The following RIBC2 variants were observed in gnomAD, a reference collection of about 807,000 sequenced individuals.
The protein encoded by RIBC2 is RIB43A-like with coiled-coils protein 2.
In RIBC2, 40 loss-of-function variants were observed where a neutral mutation model predicts 44.3. The observed-to-expected ratio is 0.90, with a 90% CI of 0.70 to 1.18. The LOEUF is 1.18. Among genes scored for constraint, RIBC2 ranks in the 50% most tolerant of loss-of-function variants. The probability of loss-of-function intolerance (pLI) is 0.00; values close to 1 mark genes in which losing one functional copy is unlikely to be tolerated. For synonymous variants in RIBC2, 171 were observed against 175.0 expected (o/e 0.98, Z 0.18); for missense variants, 459 against 485.5 (o/e 0.95, Z 0.51).
chr22:45,422,539 C>CA (rs2087496790), intron 4 of RIBC2, 131 bp downstream of exon 4: 2 of 714,018 alleles, frequency 2.8e-6, no homozygotes, highest in Non-Finnish European at 2.5e-6. Context: ...CCGGCCCTGA[C>CA]AGAGACCCTG....
Position 45,414,402 on chromosome 22 carries a change from T to G in RIBC2, c.210T>G (p.Phe70Leu). Residue 70 changes from phenylalanine (F) to leucine (L), a missense_variant and splice_region_variant, in exon 2 of 7, where the codon TTT (phenylalanine) becomes TTG (leucine). Coordinates refer to ENST00000614167, the MANE Select transcript of RIBC2 (RefSeq NM_015653.5). ...EATEKARHET[F>L]AAEMRQNDKI... Reference sequence around the variant, plus strand: ...CTGAAAAAGCTAGACATGAAACCTTTGGTGAGCATTTCCTGAATGCTTATC... The same window carrying G: ...CTGAAAAAGCTAGACATGAAACCTTGGGTGAGCATTTCCTGAATGCTTATC... 1 of 1,546,012 alleles carries G rather than the reference T, an allele frequency of 6.5e-7. No individual in the cohort carries two copies. Among genetic ancestry groups the G allele is most frequent in the Non-Finnish European group, 8.8e-7 (1 of 1,142,632 alleles).
chr22:45,431,102 C>G, intron 6 of RIBC2, 36 bp downstream of exon 6: 2 of 1,554,956 alleles, frequency 1.3e-6, no homozygotes, highest in African/African-American at 1.4e-5. Context: ...AGGTGGGGGA[C>G]CGGGTGGAGG....
chr22:45,413,950 AAG>A lies in RIBC2; in HGVS notation c.67_68del (p.Arg23GlufsTer24), dbSNP rs1325144583. ...RDLRQDANLA[K>X]RRHAELCRQK... ...CTTGCGGCAGGACGCCAACCTGGCA[AAG>A]AGGAGGCACGCGGAGCTGTGCAGGC... On this transcript the variant is annotated frameshift_variant, in exon 1 of 7. Coordinates refer to ENST00000614167, the MANE Select transcript of RIBC2 (RefSeq NM_015653.5). LOFTEE classifies it high-confidence loss of function. 1.3e-6 allele frequency: 2 copies of A among 1,551,710 alleles called. No individual in the cohort carries two copies. The highest frequency in any genetic ancestry group is 3.9e-5 in the Admixed American group (2 of 51,002).
At chr22:45,422,562 A>G (rs1425912562) in intron 4 of RIBC2, 154 bp downstream of exon 4, 8 of 665,080 alleles carry the variant, frequency 1.2e-5, no homozygotes, top group African/African-American at 3.6e-5. Context: ...GGGCTGCCTG[A>G]TGACAGAGAT....
chr22:45,413,742 A>T lies in RIBC2; in HGVS notation c.-145A>T, dbSNP rs2087386633. ...GGAGCGTCTGTACCTCTGCGGCGTCACTGGGAGCCCGACGGAAAACTGCGC... is the reference window on the plus strand; with the variant it reads ...GGAGCGTCTGTACCTCTGCGGCGTCTCTGGGAGCCCGACGGAAAACTGCGC... On this transcript the variant is annotated 5_prime_UTR_variant, in exon 1 of 7. Coordinates refer to ENST00000614167, the MANE Select transcript of RIBC2 (RefSeq NM_015653.5). 8.0e-7 allele frequency: 1 copy of T among 1,254,380 alleles called. No homozygotes were observed. The highest frequency in any genetic ancestry group is 1.1e-6 in the Non-Finnish European group (1 of 912,862). The allele number at this position is 1,254,380 out of a possible 1,614,324, so 77.7% of individuals were successfully genotyped here.
intron 5 of RIBC2, among the ~76,000 whole-genome samples, chr22:45,428,128 G>A (rs1316728993): frequency 1.3e-5 from 2 of 152,216 alleles, no homozygotes; most frequent in Non-Finnish European, 2.9e-5. Context: ...GGGAACCCCT[G>A]GGTCAAACGC....
In RIBC2 at chr22:45,413,775, TTG is replaced by T. The variant is rs1314176333; in HGVS notation, c.-110_-109del. 3 of 1,409,772 alleles carry T rather than the reference TTG, an allele frequency of 2.1e-6. No individual in the cohort carries two copies. In the African/African-American group the frequency reaches 4.3e-5, roughly 20 times the overall value. 87.3% of individuals were successfully genotyped at this position (1,409,772 alleles called of 1,614,324 possible). A position where few individuals can be genotyped will look rare whatever the true frequency, so the allele number is the denominator to read the frequency against. On this transcript the variant is annotated 5_prime_UTR_variant, in exon 1 of 7. Transcript: ENST00000614167. Reference sequence around the variant, plus strand: ...CCCGACGGAAAACTGCGCTAAAGGCTTGTCTTTCCCCTGCCCGACCGAAGGAG... The same window carrying T: ...CCCGACGGAAAACTGCGCTAAAGGCTTCTTTCCCCTGCCCGACCGAAGGAG...
rs759655269 is a variant in RIBC2 at position 45,417,901 on chromosome 22, C to T, written c.511C>T (p.Gln171Ter). Residue 171 changes from glutamine to a stop codon, truncating the protein, a stop_gained, in exon 3 of 7, where the codon CAG (glutamine) becomes TAG (stop). Transcript: ENST00000614167. LOFTEE classifies it high-confidence loss of function. ...ACAAAACAGAGAATGGTCTTTGCAG[C>T]AGCAAAGGGAATGGAAGAACGCCCG... ...EEQNREWSLQ[Q>*]QREWKNARAE... 5.6e-6 allele frequency: 9 copies of T among 1,612,776 alleles called. No homozygotes were observed. The highest frequency in any genetic ancestry group is 7.6e-6 in the Non-Finnish European group (9 of 1,179,430).
intron 2 of RIBC2, among the ~76,000 whole-genome samples, chr22:45,415,969 G>C (rs945843607): frequency 6.6e-6 from 1 of 152,046 alleles, no homozygotes; most frequent in South Asian, 2.1e-4. Context: ...CAAAGTGTTG[G>C]GATTACAGGC....
At chr22:45,418,752 G>T (rs2087450289) in intron 3 of RIBC2, among the ~76,000 whole-genome samples, 1 of 151,870 alleles carries the variant, frequency 6.6e-6, no homozygotes, top group Admixed American at 6.6e-5. Flanking sequence ...TCCTTGCTCG[G>T]CCCATCCTCC....
chr22:45,432,456 C>T lies in RIBC2; in HGVS notation c.*94C>T, dbSNP rs2087589819. On this transcript the variant is annotated 3_prime_UTR_variant, in exon 7 of 7. Coordinates refer to ENST00000614167, the MANE Select transcript of RIBC2 (RefSeq NM_015653.5). Reference sequence around the variant, plus strand: ...TTTTAAAGATACACTCCTTGGGCCACAAGTACCCTTCAGCTGTAATCGTCC... The same window carrying T: ...TTTTAAAGATACACTCCTTGGGCCATAAGTACCCTTCAGCTGTAATCGTCC... 2.6e-6 allele frequency: 2 copies of T among 767,514 alleles called. No homozygotes were observed. The highest frequency in any genetic ancestry group is 4.5e-6 in the Non-Finnish European group (2 of 448,138). 47.5% of individuals were successfully genotyped at this position (767,514 alleles called of 1,614,324 possible).
At chr22:45,419,124 T>C (rs1700591696) in intron 3 of RIBC2, among the ~76,000 whole-genome samples, 1 of 152,234 alleles carries the variant, frequency 6.6e-6, no homozygotes, top group African/African-American at 2.4e-5. Flanking sequence ...CCGAGTGATC[T>C]TGTCCGGTCT....
Position 45,413,725 on chromosome 22 carries a change from T to C in RIBC2, c.-162T>C. ...ACATTTCCGAGAGAGCGGGAGCGTC[T>C]GTACCTCTGCGGCGTCACTGGGAGC... On this transcript the variant is annotated 5_prime_UTR_variant, in exon 1 of 7. Transcript: ENST00000614167. The C allele has an allele frequency of 1.7e-6, 2 of 1,177,366 alleles. No homozygotes were observed. Among genetic ancestry groups the C allele is most frequent in the Non-Finnish European group, 2.4e-6 (2 of 837,122 alleles). 72.9% of individuals were successfully genotyped at this position (1,177,366 alleles called of 1,614,324 possible).
At chr22:45,418,803 T>C (rs760441340) in intron 3 of RIBC2, among the ~76,000 whole-genome samples, 1 of 152,076 alleles carries the variant, frequency 6.6e-6, no homozygotes, top group East Asian at 1.9e-4. Flanking sequence ...CCATGAGTGA[T>C]GTCTCCCCAG....
chr22:45,418,524 C>T (rs960315763), intron 3 of RIBC2, among the ~76,000 whole-genome samples: 14 of 152,204 alleles, frequency 9.2e-5, no homozygotes, highest in Non-Finnish European at 1.8e-4. Context: ...TCTCCCAGCT[C>T]CTCTTCATGC....
intron 2 of RIBC2, among the ~76,000 whole-genome samples, chr22:45,415,720 G>A (rs2087418667): frequency 2.0e-5 from 3 of 151,658 alleles, no homozygotes; most frequent in Admixed American, 2.0e-4. Context: ...TTTCTTTTGA[G>A]ATGGAGTCTT....
Position 45,432,440 on chromosome 22 carries a change from T to C in RIBC2, c.*78T>C. 8 of 953,718 alleles carry C rather than the reference T, an allele frequency of 8.4e-6. No homozygotes were observed. Among genetic ancestry groups the C allele is most frequent in the African/African-American group, 3.3e-5 (2 of 60,598 alleles). The allele number at this position is 953,718 out of a possible 1,614,324, so 59.1% of individuals were successfully genotyped here. A position where few individuals can be genotyped will look rare whatever the true frequency, so the allele number is the denominator to read the frequency against. On this transcript the variant is annotated 3_prime_UTR_variant, in exon 7 of 7. Coordinates refer to ENST00000614167, the MANE Select transcript of RIBC2 (RefSeq NM_015653.5). ...AAGAGTCACGTTTCTTTTTTAAAGATACACTCCTTGGGCCACAAGTACCCT... is the reference window on the plus strand; with the variant it reads ...AAGAGTCACGTTTCTTTTTTAAAGACACACTCCTTGGGCCACAAGTACCCT...
At chr22:45,429,208 G>A (rs891830174) in intron 5 of RIBC2, among the ~76,000 whole-genome samples, 7 of 152,202 alleles carry the variant, frequency 4.6e-5, no homozygotes, top group African/African-American at 1.7e-4. Context: ...CCTGCAGTCT[G>A]TGGTTTCGAA....
At chr22:45,415,920 G>A (rs1484210491) in intron 2 of RIBC2, among the ~76,000 whole-genome samples, 7 of 152,058 alleles carry the variant, frequency 4.6e-5, no homozygotes, top group Admixed American at 1.3e-4. Flanking sequence ...GGCTGGTCTC[G>A]AACTCCTGAC....
Sources: allele counts gnomAD v4.1 joint callset (sites outside exome capture counted in the v4.1 genomes callset), GRCh38; gene constraint gnomAD v4.1.1; transcripts MANE v1.5; gene names NCBI Gene and HGNC (gene_info 2026-07-23, HGNC 2026-07-21).